Variants in NEB observed in about 807,000 individuals in gnomAD.
NEB encodes nemaline myopathy type 2.
A neutral mutation model predicts 952.2 loss-of-function variants in NEB; 512 were observed. That is an observed-to-expected ratio of 0.54 (90% CI 0.50 to 0.58). NEB has a LOEUF of 0.58. Ranked by LOEUF, NEB falls within the 20% of genes least tolerant of loss-of-function variation. NEB has a pLI of 0.00. For synonymous variants in NEB, 2,900 were observed against 3,149.8 expected (o/e 0.92, Z 2.66); for missense variants, 8,428 against 9,231.1 (o/e 0.91, Z 3.56).
rs759307541 is a variant in NEB at position 151,565,785 on chromosome 2, G to A, written c.18192C>T (p.Gly6064=). Reference sequence around the variant, plus strand: ...CAGAATCCAGTGGGATCCAGCCAATGCCTCGGAGCCACTCCAGGTCAGCTC... The same window carrying A: ...CAGAATCCAGTGGGATCCAGCCAATACCTCGGAGCCACTCCAGGTCAGCTC... ...VYRADLEWLR[G]IGWIPLDSVD... Residue 6064 remains glycine, a synonymous_variant, in exon 115 of 182, where the codon GGC becomes GGT. Coordinates refer to ENST00000397345, the MANE Select transcript of NEB (RefSeq NM_001164508.2). 1 of 1,611,988 alleles carries A rather than the reference G, an allele frequency of 6.2e-7. No homozygotes were observed. Among genetic ancestry groups the A allele is most frequent in the Non-Finnish European group, 8.5e-7 (1 of 1,179,042 alleles).
intron 58 of NEB, 23 bp downstream of exon 58, chr2:151,643,127 C>T: frequency 6.3e-7 from 1 of 1,591,090 alleles, no homozygotes; most frequent in African/African-American, 1.3e-5. Context: ...TTAATAACCT[C>T]CTCAAACAAA....
intron 18 of NEB, among the ~76,000 whole-genome samples, 159 bp from the exon 19 acceptor site, chr2:151,694,788 C>T (rs1472644899): frequency 6.6e-6 from 1 of 152,158 alleles, no homozygotes; most frequent in East Asian, 1.9e-4. Flanking sequence ...TCTTCTCAAG[C>T]TGGAGCTATT....
At chr2:151,527,434 T>G in intron 147 of NEB, 47 bp downstream of exon 147, 1 of 1,295,262 alleles carries the variant, frequency 7.7e-7, no homozygotes, top group Non-Finnish European at 1.1e-6. Flanking sequence ...ATTGTATTTC[T>G]CAGGTGCAGT....
In NEB at chr2:151,723,399, G is replaced by A; in HGVS notation, c.700C>T (p.Gln234Ter). The A allele has an allele frequency of 1.2e-6, 2 of 1,608,464 alleles. No individual in the cohort carries two copies. The highest frequency in any genetic ancestry group is 1.7e-6 in the Non-Finnish European group (2 of 1,177,338). The stretch of plus-strand genomic sequence containing the variant: ...TCACTTACATCACTGAGAGCTTTCT[G>A]GGCCTGGGCAACTCTCCTCAGTTCC... The part of the protein sequence containing the change: ...SPELRRVAQA[Q>*]KALSDVAYKK... The change falls in exon 9 of 182, where the codon CAG becomes TAG. Residue 234 changes from glutamine (Q) to a stop codon, truncating the protein, a stop_gained. Transcript: ENST00000397345. LOFTEE classifies it high-confidence loss of function.
chr2:151,515,671 C>T (rs961538867), intron 157 of NEB, among the ~76,000 whole-genome samples: 1 of 152,288 alleles, frequency 6.6e-6, no homozygotes, highest in South Asian at 2.1e-4. Context: ...TGGAACTCTA[C>T]TTTTGTAATT....
rs1315167999 is a variant in NEB, at chr2:151,633,641, A to G, written c.9414+13T>C. ...TTTCTATGCACAGCTCCATTTATAG[A>G]TGCTGTACTCACGTCACTCTGGAGG... On this transcript the variant is annotated intron_variant, in intron 65 of 181. Coordinates refer to ENST00000397345, the MANE Select transcript of NEB (RefSeq NM_001164508.2). The G allele has an allele frequency of 6.2e-7, 1 of 1,604,940 alleles. No homozygotes were observed. Among genetic ancestry groups the G allele is most frequent in the East Asian group, 2.2e-5 (1 of 44,710 alleles).
At chr2:151,551,101 G>A (rs1338344133) in intron 129 of NEB, among the ~76,000 whole-genome samples, 1 of 151,850 alleles carries the variant, frequency 6.6e-6, no homozygotes, top group Admixed American at 6.6e-5. Flanking sequence ...CCAAGTAGCT[G>A]GGATTACAGG....
At chr2:151,495,794 T>TATC (rs1340932250) in intron 173 of NEB, among the ~76,000 whole-genome samples, 64 of 152,220 alleles carry the variant, frequency 4.2e-4, no homozygotes, top group African/African-American at 1.4e-3. Context: ...TCATAATTTA[T>TATC]ATCATTATTC....
At chr2:151,642,167 C>T (rs1256715888) in intron 60 of NEB, among the ~76,000 whole-genome samples, 2 of 152,180 alleles carry the variant, frequency 1.3e-5, no homozygotes, top group Non-Finnish European at 2.9e-5. Context: ...CCACAGGAAT[C>T]GTTGAACTTT....
chr2:151,717,652 G>A, intron 9 of NEB, 132 bp from the exon 10 acceptor site: 1 of 688,340 alleles, frequency 1.5e-6, no homozygotes, highest in Non-Finnish European at 2.5e-6. Flanking sequence ...AGTACTGCTA[G>A]TGATTTCTAT....
At chr2:151,732,085 T>C (rs2099810545) in intron 3 of NEB, among the ~76,000 whole-genome samples, 2 of 152,200 alleles carry the variant, frequency 1.3e-5, no homozygotes, top group Non-Finnish European at 2.9e-5. Flanking sequence ...ATTTTGGCAC[T>C]GCCACCTAAA....
chr2:151,621,879 T>G (rs978842074), intron 71 of NEB, among the ~76,000 whole-genome samples: 3 of 152,240 alleles, frequency 2.0e-5, no homozygotes, highest in Non-Finnish European at 4.4e-5. Flanking sequence ...ATAATAATTT[T>G]TAAACATAAA....
In NEB at chr2:151,684,799, C is replaced by T; in HGVS notation, c.2814G>A (p.Lys938=). Residue 938 remains lysine, a synonymous_variant, in exon 28 of 182, where the codon AAG becomes AAA. Transcript: ENST00000397345. ...PDSINVDLAK[K]AYALQSDVEY... is the part of the protein sequence containing the mutation. ...TCACATCGCTCTGCAGCGCATATGCCTTCTTGGCAAGGTCCACATTGATGC... is the reference window on the plus strand; with the variant it reads ...TCACATCGCTCTGCAGCGCATATGCTTTCTTGGCAAGGTCCACATTGATGC... 1 of 1,609,336 alleles carries T rather than the reference C, an allele frequency of 6.2e-7. No individual in the cohort carries two copies. Among genetic ancestry groups the T allele is most frequent in the Middle Eastern group, 1.7e-4 (1 of 6,040 alleles).
intron 77 of NEB, 50 bp from the exon 78 acceptor site, chr2:151,612,439 G>A: frequency 1.3e-6 from 2 of 1,509,840 alleles, no homozygotes; most frequent in Non-Finnish European, 1.8e-6. Flanking sequence ...TAGACGGCCT[G>A]GTGCCTGATC....
chr2:151,534,364 G>A (rs766315633), intron 142 of NEB: 4 of 1,538,770 alleles, frequency 2.6e-6, no homozygotes, highest in Non-Finnish European at 3.6e-6. Context: ...ACAACTTCAA[G>A]GCTACACAAA....
Position 151,666,178 on chromosome 2 carries a change from T to C in NEB, c.4943A>G (p.Asn1648Ser), listed in dbSNP as rs752709295. The change falls in exon 41 of 182, where the codon AAC (asparagine) becomes AGC (serine). Residue 1648 changes from asparagine (N) to serine (S), a missense_variant. By Grantham distance (46) the Asn-to-Ser change is conservative. Coordinates refer to ENST00000397345, the MANE Select transcript of NEB (RefSeq NM_001164508.2). ...KKSQEVATNA[N>S]YRQSYHHYTL... ...GTAGTGGTGGTATGACTGTCTGTAG[T>C]TGGCGTTGGTGGCAACCTCCTGAGA... is the stretch of plus-strand genomic sequence containing the variant. The C allele has an allele frequency of 1.9e-6, 3 of 1,613,904 alleles. No homozygotes were observed. The highest frequency in any genetic ancestry group is 2.2e-5 in the East Asian group (1 of 44,880).
chr2:151,705,993 A>C (rs2099704534), intron 13 of NEB, among the ~76,000 whole-genome samples: 1 of 152,192 alleles, frequency 6.6e-6, no homozygotes, highest in Admixed American at 6.5e-5. Context: ...TGATGGGTGC[A>C]CCAAAATCTC....
chr2:151,501,562 A>AAAG, intron 167 of NEB, 79 bp from the exon 168 acceptor site: 1 of 717,732 alleles, frequency 1.4e-6, no homozygotes, highest in African/African-American at 1.8e-5. Context: ...AAACAGCCTA[A>AAAG]AAGAAGTATT....
At chr2:151,703,480 A>G (rs1179983953) in intron 13 of NEB, among the ~76,000 whole-genome samples, 1 of 20,590 alleles carries the variant, frequency 4.9e-5, no homozygotes, top group East Asian at 5.4e-4. Context: ...CATTCTCCCC[A>G]TCACTTTCAG....
Sources: gnomAD v4.1 joint callset for allele counts (sites outside exome capture counted in the v4.1 genomes callset) on GRCh38, gnomAD v4.1.1 for gene constraint, MANE v1.5 for transcripts, NCBI Gene and HGNC (gene_info 2026-07-23, HGNC 2026-07-21) for gene names.